LARGE1: variants seen among roughly 807,000 people sequenced by gnomAD.
LARGE1 encodes xylosyl- and glucuronyltransferase LARGE1.
A neutral mutation model predicts 87.6 loss-of-function variants in LARGE1; 43 were observed. The ratio of observed to expected loss-of-function variants is 0.49; its 90% CI spans 0.38 to 0.63. LARGE1 has a LOEUF of 0.63. Among genes scored for constraint, LARGE1 ranks in the 30% least tolerant of loss-of-function variants. The probability of loss-of-function intolerance (pLI) is 0.00; values close to 1 mark genes in which losing one functional copy is unlikely to be tolerated. For synonymous variants in LARGE1, 434 were observed against 394.6 expected (o/e 1.10, Z -1.18); for missense variants, 802 against 1,000.2 (o/e 0.80, Z 2.67).
At chr22:33,590,292 T>C (rs2078798393) in intron 5 of LARGE1, among the ~76,000 whole-genome samples, 1 of 152,216 alleles carries the variant, frequency 6.6e-6, no homozygotes, top group Admixed American at 6.5e-5. Flanking sequence ...ACTCACACCA[T>C]ATTGCTATTT....
intron 6 of LARGE1, among the ~76,000 whole-genome samples, chr22:33,484,693 C>G (rs1392278785): frequency 1.3e-5 from 2 of 152,142 alleles, no homozygotes; most frequent in Non-Finnish European, 2.9e-5. Context: ...CTCCTCCAAA[C>G]TGTTTTGCGC....
intron 11 of LARGE1, among the ~76,000 whole-genome samples, chr22:33,191,992 T>C (rs1422687913): frequency 6.6e-6 from 1 of 152,202 alleles, no homozygotes; most frequent in African/African-American, 2.4e-5. Flanking sequence ...AAGATTCTTA[T>C]ATGAAAACTG....
intron 6 of LARGE1, among the ~76,000 whole-genome samples, chr22:33,513,836 C>CACACACACACAT (rs2071169118): frequency 6.6e-6 from 1 of 151,830 alleles, no homozygotes; most frequent in Non-Finnish European, 1.5e-5. Context: ...CACACACACA[C>CACACACACACAT]ACACACACAC....
the LARGE1 span, among the ~76,000 whole-genome samples, chr22:33,068,913 C>T: frequency 3.9e-5 from 6 of 152,270 alleles, no homozygotes; most frequent in South Asian, 2.1e-4. Flanking sequence ...CTCAGGGCTG[C>T]GGCTGCTGGG....
chr22:33,520,969 T>C (rs2071553313), intron 6 of LARGE1, among the ~76,000 whole-genome samples: 1 of 152,234 alleles, frequency 6.6e-6, no homozygotes, highest in Admixed American at 6.5e-5. Context: ...TGTGTCTGTC[T>C]TTGCTGGCAG....
intron 1 of LARGE1, among the ~76,000 whole-genome samples, chr22:33,902,215 A>C (rs2065302527): frequency 6.6e-6 from 1 of 152,202 alleles, no homozygotes; most frequent in Non-Finnish European, 1.5e-5. Flanking sequence ...ACACAAAAAA[A>C]CAAGACGACA....
At chr22:33,907,911 T>G (rs1396617844) in intron 1 of LARGE1, among the ~76,000 whole-genome samples, 1 of 152,180 alleles carries the variant, frequency 6.6e-6, no homozygotes, top group African/African-American at 2.4e-5. Context: ...TGAAGACATT[T>G]CTAGGTCTGC....
intron 1 of LARGE1, among the ~76,000 whole-genome samples, chr22:33,774,510 C>T (rs1043515946): frequency 2.0e-5 from 3 of 151,922 alleles, no homozygotes; most frequent in African/African-American, 7.3e-5. Flanking sequence ...GCACGTGCCA[C>T]CACACCCAGC....
intron 7 of LARGE1, among the ~76,000 whole-genome samples, chr22:33,410,486 A>G (rs1006038494): frequency 6.6e-6 from 1 of 151,778 alleles, no homozygotes; most frequent in Admixed American, 6.6e-5. Context: ...ACGAGATCTG[A>G]TGGTTTTATA....
chr22:33,209,858 G>C (rs899610645), intron 11 of LARGE1, among the ~76,000 whole-genome samples: 1 of 151,842 alleles, frequency 6.6e-6, no homozygotes, highest in Non-Finnish European at 1.5e-5. Flanking sequence ...TATTTTTTCC[G>C]GGCTGGTCTC....
the LARGE1 span, among the ~76,000 whole-genome samples, chr22:33,132,477 C>A: frequency 1.5e-5 from 2 of 130,868 alleles, no homozygotes; most frequent in Non-Finnish European, 3.4e-5. Context: ...GCCACTGCTT[C>A]TGGCCTCCAT....
intron 1 of LARGE1, among the ~76,000 whole-genome samples, chr22:33,867,229 A>C (rs945677477): frequency 1.3e-5 from 2 of 152,240 alleles, no homozygotes; most frequent in African/African-American, 4.8e-5. Context: ...ATCATAAAGC[A>C]GTCTGTAAAC....
chr22:33,158,725 T>C (rs1452245221), downstream of LARGE1, among the ~76,000 whole-genome samples: 1 of 152,218 alleles, frequency 6.6e-6, no homozygotes, highest in Admixed American at 6.5e-5. Context: ...CTGCTATCAC[T>C]TGCAATTTAT....
intron 9 of LARGE1, among the ~76,000 whole-genome samples, chr22:33,359,913 C>T (rs769639479): frequency 2.2e-4 from 33 of 149,640 alleles, no homozygotes; most frequent in Non-Finnish European, 4.3e-4. Context: ...TAGGAGTGGC[C>T]AACCCAGAGA....
intron 11 of LARGE1, among the ~76,000 whole-genome samples, chr22:33,205,479 T>C (rs1924628258): frequency 1.3e-5 from 2 of 152,158 alleles, no homozygotes; most frequent in South Asian, 4.1e-4. Context: ...AAATAGCACA[T>C]AAACAAATAA....
chr22:33,702,827 T>C (rs1416259089), intron 2 of LARGE1, among the ~76,000 whole-genome samples: 2 of 152,026 alleles, frequency 1.3e-5, no homozygotes, highest in Non-Finnish European at 2.9e-5. Context: ...AGGCTCAAGA[T>C]ATTAGATAAG....
chr22:33,849,592 C>CTTTTTTTTTTTTTTTTTT (rs71187287), intron 1 of LARGE1, among the ~76,000 whole-genome samples: 14 of 88,594 alleles, frequency 1.6e-4, no homozygotes, highest in Admixed American at 3.0e-4. Flanking sequence ...CTTTTCTTCT[C>CTTTTTTTTTTTTTTTTTT]TTTTTTTTTT....
At chr22:33,884,331 TG>T (rs2064783602) in intron 1 of LARGE1, among the ~76,000 whole-genome samples, 1 of 152,228 alleles carries the variant, frequency 6.6e-6, no homozygotes, top group South Asian at 2.1e-4. Context: ...CACTGTACGT[TG>T]ACCCTCTTTC....
chr22:33,388,680 C>G (rs1452741669), intron 7 of LARGE1, among the ~76,000 whole-genome samples: 2 of 152,194 alleles, frequency 1.3e-5, no homozygotes, highest in African/African-American at 2.4e-5. Context: ...ATTCTCCTGC[C>G]TCAGCATCCC....
Sources: allele counts gnomAD v4.1 joint callset (sites outside exome capture counted in the v4.1 genomes callset), GRCh38; gene constraint gnomAD v4.1.1; transcripts MANE v1.5; gene names NCBI Gene and HGNC (gene_info 2026-07-23, HGNC 2026-07-21).